The following MYLK variants were observed in gnomAD, a reference collection of about 807,000 sequenced individuals.
MYLK encodes myosin light chain kinase, smooth muscle.
Under a neutral mutation model 203.4 loss-of-function variants are expected in MYLK, and 106 were observed. The observed-to-expected ratio is 0.52, with a 90% CI of 0.45 to 0.61. The LOEUF (loss-of-function observed/expected upper bound fraction) is 0.61. MYLK is among the 20% of genes least tolerant of loss of function. The pLI is 0.00. For missense variants in MYLK, 2,072 were observed against 2,442.3 expected, an observed-to-expected ratio of 0.85 and a Z score of 3.20; for synonymous variants, 867 against 959.5, an observed-to-expected ratio of 0.90 and a Z score of 1.78.
At chr3:123,819,527 T>C (rs1373337152) in intron 3 of MYLK, among the ~76,000 whole-genome samples, 1 of 152,212 alleles carries the variant, frequency 6.6e-6, no homozygotes, top group Admixed American at 6.5e-5. Flanking sequence ...GGTTAACTCC[T>C]TAACTTGAAA....
chr3:123,752,558 G>C lies in MYLK; in HGVS notation c.166-20C>G, dbSNP rs1412169278. ...CCGGACCTTCAAGAAAAAGAAGAAA[G>C]GGTAAGAGCCTGTATTTCATGAGTA... On this transcript the variant is annotated intron_variant, in intron 4 of 33. Transcript: ENST00000360304. 3.7e-6 allele frequency: 6 copies of C among 1,601,820 alleles called. No individual in the cohort carries two copies. Among genetic ancestry groups the C allele is most frequent in the Non-Finnish European group, 5.1e-6 (6 of 1,174,364 alleles).
At chr3:123,650,631 T>C (rs1296209115) in intron 24 of MYLK, among the ~76,000 whole-genome samples, 1 of 152,084 alleles carries the variant, frequency 6.6e-6, no homozygotes, top group Non-Finnish European at 1.5e-5. Context: ...AAGGATGAGA[T>C]AGACAGGGAC....
rs552689758 is a variant in MYLK, at chr3:123,666,621, C to A, written c.3704-275G>T. ...GGGTTGTACTGGAATTTGTGACTTACCCTAATTTTTTGAATTGAGGTCCTA... is the reference window on the plus strand; with the variant it reads ...GGGTTGTACTGGAATTTGTGACTTAACCTAATTTTTTGAATTGAGGTCCTA... On this transcript the variant is annotated intron_variant, in intron 21 of 33. Coordinates refer to ENST00000360304, the MANE Select transcript of MYLK (RefSeq NM_053025.4). Among the ~76,000 whole-genome samples the A allele has an allele frequency of 4.6e-5, 7 of 152,296 alleles. 1 individual carries two copies. The South Asian group carries it at 1.5e-3, about 32-fold the overall frequency.
intron 2 of MYLK, among the ~76,000 whole-genome samples, chr3:123,861,697 T>C (rs1275754735): frequency 6.6e-6 from 1 of 152,176 alleles, no homozygotes; most frequent in Non-Finnish European, 1.5e-5. Context: ...GGAAAACAAG[T>C]GTCCTAATCC....
intron 4 of MYLK, 53 bp downstream of exon 4, chr3:123,793,624 G>GC: frequency 6.2e-7 from 1 of 1,601,062 alleles, no homozygotes; most frequent in Non-Finnish European, 8.5e-7. Flanking sequence ...ACAAGGAGCA[G>GC]CGGCCCCTGC....
At position 123,733,675 on chromosome 3, in the gene MYLK, A is replaced by G. The variant is rs777379898; in HGVS notation, c.1309+12T>C. On this transcript the variant is annotated intron_variant, in intron 10 of 33. Transcript: ENST00000360304. ...ATTTTGGCAATCGGTGACCCTAATT[A>G]CCTCTACTCACCTTCACATCTGAAC... The G allele has an allele frequency of 1.5e-5, 24 of 1,613,628 alleles. No homozygotes were observed. Among genetic ancestry groups the G allele is most frequent in the Non-Finnish European group, 2.0e-5 (24 of 1,180,016 alleles).
rs2059836961 is a variant in MYLK, at chr3:123,669,375, C to A, written c.3653-2188G>T. ...AAACCAAACAATGTAAGAAATCAGG[C>A]CTCAAGGTCTTAAATATCAAGACGT... On this transcript the variant is annotated intron_variant, in intron 20 of 33. Coordinates refer to ENST00000360304, the MANE Select transcript of MYLK (RefSeq NM_053025.4). Among the ~76,000 whole-genome samples the A allele has an allele frequency of 2.0e-5, 3 of 151,976 alleles. No individual in the cohort carries two copies. The South Asian group carries it at 6.2e-4, about 31-fold the overall frequency.
intron 3 of MYLK, among the ~76,000 whole-genome samples, chr3:123,828,658 A>G (rs926215357): frequency 1.3e-5 from 2 of 152,216 alleles, no homozygotes; most frequent in African/African-American, 4.8e-5. Flanking sequence ...AAATAAAACA[A>G]ATAGTGAAAA....
intron 2 of MYLK, among the ~76,000 whole-genome samples, chr3:123,842,031 A>G (rs2066603316): frequency 6.6e-6 from 1 of 152,166 alleles, no homozygotes; most frequent in Non-Finnish European, 1.5e-5. Context: ...AGAAATCACA[A>G]TAAATATAAA....
chr3:123,709,058 G>A (rs1228737271), intron 14 of MYLK, 163 bp from the exon 15 acceptor site: 2 of 602,506 alleles, frequency 3.3e-6, no homozygotes, highest in East Asian at 5.7e-5. Context: ...TCTACCTCAT[G>A]GGTTTGTTGG....
At chr3:123,823,353 G>A (rs1353916771) in intron 3 of MYLK, among the ~76,000 whole-genome samples, 1 of 152,084 alleles carries the variant, frequency 6.6e-6, no homozygotes, top group East Asian at 1.9e-4. Context: ...ATCTCGACTG[G>A]CTTATCTAAC....
chr3:123,697,652 T>C (rs570451376), intron 18 of MYLK, among the ~76,000 whole-genome samples: 22 of 152,228 alleles, frequency 1.4e-4, no homozygotes, highest in African/African-American at 5.1e-4. Flanking sequence ...AGTACAGTCA[T>C]TGTTGGGAGG....
intron 27 of MYLK, among the ~76,000 whole-genome samples, chr3:123,641,715 GTCCT>G (rs112031002): frequency 0.034 from 5,052 of 147,184 alleles, 99 homozygotes; most frequent in Middle Eastern, 0.062. Flanking sequence ...CCTTCCTTCC[GTCCT>G]TCCTTCTGTC....
intron 2 of MYLK, among the ~76,000 whole-genome samples, chr3:123,846,113 GATTTCT>G (rs1015436571): frequency 6.6e-6 from 1 of 152,164 alleles, no homozygotes; most frequent in African/African-American, 2.4e-5. Flanking sequence ...AATGGTGAAA[GATTTCT>G]ATCATAGCGA....
At chr3:123,775,604 C>T (rs1447391246) in intron 4 of MYLK, among the ~76,000 whole-genome samples, 1 of 152,014 alleles carries the variant, frequency 6.6e-6, no homozygotes, top group Non-Finnish European at 1.5e-5. Flanking sequence ...CCAGTGAAGA[C>T]AAATTGACAA....
chr3:123,652,574 G>A (rs571422331), intron 24 of MYLK, among the ~76,000 whole-genome samples: 43 of 152,342 alleles, frequency 2.8e-4, no homozygotes, highest in Non-Finnish European at 5.0e-4. Context: ...AGGCCAGGGC[G>A]TAGCTGCAGC....
chr3:123,803,916 G>A (rs997374019), intron 3 of MYLK, among the ~76,000 whole-genome samples: 1 of 152,240 alleles, frequency 6.6e-6, no homozygotes, highest in Non-Finnish European at 1.5e-5. Context: ...TCTGTCCAGA[G>A]AAGAGCTGGG....
chr3:123,711,223 A>C (rs925910652), intron 13 of MYLK, among the ~76,000 whole-genome samples: 1 of 152,106 alleles, frequency 6.6e-6, no homozygotes, highest in Non-Finnish European at 1.5e-5. Context: ...GGGGGGTTGG[A>C]TTATAAAGGG....
At chr3:123,813,508 C>G (rs2065631324) in intron 3 of MYLK, among the ~76,000 whole-genome samples, 1 of 150,908 alleles carries the variant, frequency 6.6e-6, no homozygotes, top group Non-Finnish European at 1.5e-5. Flanking sequence ...TTCACTGTCT[C>G]TCTCTCTCTT....
Sources: gnomAD v4.1 joint callset for allele counts (sites outside exome capture counted in the v4.1 genomes callset) on GRCh38, gnomAD v4.1.1 for gene constraint, MANE v1.5 for transcripts, NCBI Gene and HGNC (gene_info 2026-07-23, HGNC 2026-07-21) for gene names.